DNAJC12: variants seen among roughly 807,000 people sequenced by gnomAD.
DNAJC12 encodes the protein dnaJ homolog subfamily C member 12.
A neutral mutation model predicts 28.5 loss-of-function variants in DNAJC12; 25 were observed. That is an observed-to-expected ratio of 0.88 (90% CI 0.64 to 1.22). The LOEUF is 1.22. Among genes scored for constraint, DNAJC12 ranks in the 50% most tolerant of loss-of-function variants. DNAJC12 has a pLI of 0.00. For synonymous variants in DNAJC12, 77 were observed against 80.6 expected (o/e 0.95, Z 0.24); for missense variants, 222 against 231.7 (o/e 0.96, Z 0.27).
At chr10:67,830,819 C>T (rs1408473491) in intron 1 of DNAJC12, among the ~76,000 whole-genome samples, 1 of 152,080 alleles carries the variant, frequency 6.6e-6, no homozygotes, top group African/African-American at 2.4e-5. Context: ...CAAGGTCACA[C>T]AGCTAATAAG....
intron 4 of DNAJC12, among the ~76,000 whole-genome samples, chr10:67,799,566 A>T (rs1841716354): frequency 6.6e-6 from 1 of 152,200 alleles, no homozygotes; most frequent in Non-Finnish European, 1.5e-5. Context: ...TTATATAGTA[A>T]GTAAGTGTCA....
Position 67,825,952 on chromosome 10 carries a change from A to G in DNAJC12, c.79-2560T>C, listed in dbSNP as rs569271928. Among the ~76,000 whole-genome samples, 19 of 152,302 alleles carry G rather than the reference A, an allele frequency of 1.2e-4. No individual in the cohort carries two copies. The South Asian group carries it at 3.3e-3, about 27-fold the overall frequency. On this transcript the variant is annotated intron_variant, in intron 1 of 4. Transcript: ENST00000225171. ...TAGACTTGTTTTTAAATTTTAAAGT[A>G]TTAAATATTCTATACAGTGTAGTAG...
chr10:67,818,424 TAC>T (rs1841937240), intron 2 of DNAJC12, among the ~76,000 whole-genome samples: 2 of 152,168 alleles, frequency 1.3e-5, no homozygotes, highest in Admixed American at 1.3e-4. Context: ...AAACAATATT[TAC>T]ACAGTCCACT....
intron 2 of DNAJC12, among the ~76,000 whole-genome samples, chr10:67,819,769 AGGAAGGAAGG>A (rs1564863595): frequency 0.079 from 1,966 of 24,788 alleles, 207 homozygotes; most frequent in South Asian, 0.2. Context: ...GAAGGAAGGA[AGGAAGGAAGG>A]GGAAGGAAGG....
intron 4 of DNAJC12, among the ~76,000 whole-genome samples, chr10:67,797,844 T>C (rs1052611051): frequency 2.0e-4 from 31 of 151,898 alleles, no homozygotes; most frequent in Admixed American, 2.0e-3. Flanking sequence ...ATCAAGACCA[T>C]CCTGGCTAAC....
intron 4 of DNAJC12, among the ~76,000 whole-genome samples, chr10:67,799,779 A>G (rs1306564563): frequency 6.6e-6 from 1 of 151,476 alleles, no homozygotes; most frequent in African/African-American, 2.4e-5. Context: ...GCTACTCAGG[A>G]GGCTGAGGCA....
At chr10:67,827,969 C>T (rs1842053826) in intron 1 of DNAJC12, among the ~76,000 whole-genome samples, 1 of 152,072 alleles carries the variant, frequency 6.6e-6, no homozygotes, top group African/African-American at 2.4e-5. Flanking sequence ...ATCTTCTGGC[C>T]TCCCTACTCC....
chr10:67,797,528 C>CA (rs147984794), intron 4 of DNAJC12, among the ~76,000 whole-genome samples: 3,638 of 152,134 alleles, frequency 0.024, 149 homozygotes, highest in African/African-American at 0.083. Flanking sequence ...ACACAGTTTT[C>CA]AAAAACCTTT....
chr10:67,815,442 A>G (rs1281657312), intron 2 of DNAJC12, among the ~76,000 whole-genome samples: 2 of 135,538 alleles, frequency 1.5e-5, no homozygotes, highest in African/African-American at 5.7e-5. Flanking sequence ...CAGGAGGTGG[A>G]GGTTTCGGTG....
chr10:67,824,230 TG>T (rs1305719337), intron 1 of DNAJC12, among the ~76,000 whole-genome samples: 13 of 80,618 alleles, frequency 1.6e-4, no homozygotes, highest in Non-Finnish European at 3.0e-4. Context: ...AGCAAGAGTC[TG>T]TCTTAAAAAA....
At chr10:67,822,369 G>C (rs1047898869) in intron 2 of DNAJC12, among the ~76,000 whole-genome samples, 3 of 152,172 alleles carry the variant, frequency 2.0e-5, no homozygotes, top group Non-Finnish European at 4.4e-5. Flanking sequence ...GTACCAAAAG[G>C]TAACCACTAG....
chr10:67,836,437 G>A (rs1842143479), intron 1 of DNAJC12, among the ~76,000 whole-genome samples: 1 of 150,084 alleles, frequency 6.7e-6, no homozygotes, highest in Non-Finnish European at 1.5e-5. Flanking sequence ...TACTGTATAA[G>A]CTAGCATGTA....
intron 1 of DNAJC12, among the ~76,000 whole-genome samples, chr10:67,832,371 C>A (rs1327573431): frequency 6.6e-6 from 1 of 151,630 alleles, no homozygotes; most frequent in East Asian, 1.9e-4. Flanking sequence ...ATTTTTCCCA[C>A]AAAATTCCAG....
At chr10:67,810,934 T>C (rs893585107) in intron 3 of DNAJC12, 2 of 152,232 alleles carry the variant, frequency 1.3e-5, no homozygotes, top group Non-Finnish European at 2.9e-5. Context: ...GTCTATAATA[T>C]ATAAAGGTCA....
chr10:67,813,882 G>A (rs897512389), intron 2 of DNAJC12, among the ~76,000 whole-genome samples: 11 of 151,532 alleles, frequency 7.3e-5, no homozygotes, highest in Non-Finnish European at 1.0e-4. Flanking sequence ...GACATCCCAC[G>A]TTCATAAAGA....
At chr10:67,800,290 C>T (rs1229017342) in intron 4 of DNAJC12, among the ~76,000 whole-genome samples, 1 of 150,602 alleles carries the variant, frequency 6.6e-6, no homozygotes, top group Non-Finnish European at 1.5e-5. Flanking sequence ...CCAGGTGGCA[C>T]CTTAGCAGAA....
rs551020826 is a variant in DNAJC12 at position 67,800,547 on chromosome 10, C to G, written c.503-3337G>C. 1.1e-4 allele frequency among the ~76,000 whole-genome samples: 16 copies of G among 152,316 alleles called. No homozygotes were observed. The South Asian group carries it at 2.9e-3, about 28-fold the overall frequency. On this transcript the variant is annotated intron_variant, in intron 4 of 4. Transcript: ENST00000225171. The stretch of plus-strand genomic sequence containing the variant: ...AGTAGGCTCCATTGCCAGAGCAAGC[C>G]CTCTGGCAGAGTCACAATGTTTGTG...
chr10:67,796,752 A>G lies in DNAJC12; in HGVS notation c.*364T>C, dbSNP rs1449570517. ...TTCATTGTAAGTCAAGGGTAAGAAA[A>G]CATTTTTTGTACATCCATCACTAAT... is the stretch of plus-strand genomic sequence containing the variant. On this transcript the variant is annotated 3_prime_UTR_variant, in exon 5 of 5. Coordinates refer to ENST00000225171, the MANE Select transcript of DNAJC12 (RefSeq NM_021800.3). 1.9e-5 allele frequency: 3 copies of G among 157,194 alleles called. No individual in the cohort carries two copies. The Admixed American group carries it at 1.9e-4, about 10-fold the overall frequency. 9.7% of individuals were successfully genotyped at this position (157,194 alleles called of 1,614,324 possible).
intron 2 of DNAJC12, among the ~76,000 whole-genome samples, chr10:67,814,940 T>C (rs1242667139): frequency 6.6e-6 from 1 of 152,236 alleles, no homozygotes; most frequent in African/African-American, 2.4e-5. Flanking sequence ...AAAAGTAGTT[T>C]GGCTGTTCTT....
Sources: gnomAD v4.1 joint callset for allele counts (sites outside exome capture counted in the v4.1 genomes callset) on GRCh38, gnomAD v4.1.1 for gene constraint, MANE v1.5 for transcripts, NCBI Gene and HGNC (gene_info 2026-07-23, HGNC 2026-07-21) for gene names.